The following HSF4 variants were observed in gnomAD, a reference collection of about 807,000 sequenced individuals.
HSF4 encodes the protein heat shock transcription factor 4, also known as heat shock factor protein 4.
Under a neutral mutation model 52.0 loss-of-function variants are expected in HSF4, and 41 were observed. The observed-to-expected ratio is 0.79, with a 90% CI of 0.61 to 1.02. The LOEUF (loss-of-function observed/expected upper bound fraction) is 1.02, where lower values mean the gene tolerates loss of function less well. Among genes scored for constraint, HSF4 ranks in the 50% least tolerant of loss-of-function variants. HSF4 has a pLI of 0.00. For missense variants in HSF4, 610 were observed against 651.1 expected (o/e 0.94, Z 0.69); for synonymous variants, 285 against 273.0 (o/e 1.04, Z -0.43).
rs1256992627 is a variant in HSF4, at chr16:67,166,635, G to A, written c.626+13G>A. The A allele has an allele frequency of 3.1e-6, 5 of 1,612,906 alleles. No individual in the cohort carries two copies. The highest frequency in any genetic ancestry group is 4.2e-6 in the Non-Finnish European group (5 of 1,179,354). Reference sequence around the variant, plus strand: ...GCAAGAGAAAGCTGTGAGTGAGAAAGCCAAGAAGGCCCACACCCACTTCCA... The same window carrying A: ...GCAAGAGAAAGCTGTGAGTGAGAAAACCAAGAAGGCCCACACCCACTTCCA... On this transcript the variant is annotated intron_variant, in intron 6 of 12. Coordinates refer to ENST00000521374, the MANE Select transcript of HSF4 (RefSeq NM_001374675.1).
In HSF4 at chr16:67,167,594, C is replaced by A. The variant is rs373405361; in HGVS notation, c.849C>A (p.Gly283=). The A allele has an allele frequency of 3.1e-6, 5 of 1,613,334 alleles. No homozygotes were observed. The African/African-American group carries it at 5.3e-5, about 17-fold the overall frequency. Residue 283 remains glycine, a synonymous_variant, in exon 8 of 13, where the codon GGC becomes GGA. Transcript: ENST00000521374. ...CCAGGCTTTCTCCCTCCAGTGATGG[C>A]AGGAGGTAAGGGGGACAGGGCTGCC... The part of the protein sequence containing the change: ...EGTRLSPSSD[G]RREKGLALLK...
At position 67,164,883 on chromosome 16, in the gene HSF4, A is replaced by G. The variant is rs771931942; in HGVS notation, c.72A>G (p.Leu24=). 4.0e-5 allele frequency: 64 copies of G among 1,608,004 alleles called. No homozygotes were observed. The highest frequency in any genetic ancestry group is 5.3e-5 in the Non-Finnish European group (63 of 1,179,088). The change falls in exon 1 of 13, where the codon CTA becomes CTG. Residue 24 remains leucine, a synonymous_variant. Transcript: ENST00000521374. Reference sequence around the variant, plus strand: ...CCGTGCCTGCCTTCCTCGGCAAGCTATGGGCGCTGGTGGGGGACCCAGGCA... The same window carrying G: ...CCGTGCCTGCCTTCCTCGGCAAGCTGTGGGCGCTGGTGGGGGACCCAGGCA... The part of the protein sequence containing the change: ...PSPVPAFLGK[L]WALVGDPGTD...
At chr16:67,163,872 A>AG, upstream of HSF4, 1 of 1,338,742 alleles carries the variant, frequency 7.5e-7, no homozygotes, top group African/African-American at 3.5e-5. Flanking sequence ...CTGAGAGGGA[A>AG]CGGGGGGGGT....
Position 67,167,879 on chromosome 16 carries a change from C to A in HSF4, c.1014C>A (p.Ser338Arg). ...AGGCCATCCTGGAAGGGAAAGGGAG[C>A]TTCAGCCCCGAGGGGCCCAGGAATG... ...VVQAILEGKG[S>R]FSPEGPRNAQ... Residue 338 changes from serine to arginine, a missense_variant, in exon 9 of 13, where the codon AGC becomes AGA. Transcript: ENST00000521374. 1 of 1,606,456 alleles carries A rather than the reference C, an allele frequency of 6.2e-7. No homozygotes were observed. The highest frequency in any genetic ancestry group is 8.5e-7 in the Non-Finnish European group (1 of 1,177,692).
upstream of HSF4, chr16:67,163,875 G>GT (rs1555549589): frequency 2.6e-5 from 39 of 1,526,814 alleles, no homozygotes; most frequent in Middle Eastern, 2.3e-4. Context: ...AGAGGGAACG[G>GT]GGGGGGTGTC....
chr16:67,167,157 C>T lies in HSF4; in HGVS notation c.664C>T (p.Pro222Ser). ...MLDEGSSCPTPAKFNTCPLPG... is the reference protein window; with the variant it reads ...MLDEGSSCPTSAKFNTCPLPG... Reference sequence around the variant, plus strand: ...GGATGAGGGGAGCTCATGCCCAACACCTGCCAAGTTCAACACCTGCCCTCT... The same window carrying T: ...GGATGAGGGGAGCTCATGCCCAACATCTGCCAAGTTCAACACCTGCCCTCT... Residue 222 changes from proline to serine, a missense_variant, in exon 7 of 13, where the codon CCT becomes TCT. Physicochemically the swap from Pro to Ser is moderately conservative, Grantham distance 74. Coordinates refer to ENST00000521374, the MANE Select transcript of HSF4 (RefSeq NM_001374675.1). 2.5e-6 allele frequency: 4 copies of T among 1,614,186 alleles called. No homozygotes were observed. The highest frequency in any genetic ancestry group is 3.4e-6 in the Non-Finnish European group (4 of 1,180,020).
Position 67,165,978 on chromosome 16 carries a change from G to T in HSF4, c.393G>T (p.Trp131Cys), listed in dbSNP as rs759263877. 4.5e-6 allele frequency: 7 copies of T among 1,554,400 alleles called. No homozygotes were observed. In the Admixed American group the frequency reaches 7.6e-5, roughly 17 times the overall value. ...CGCTGCGCGGCGACGACGGCCGCTG[G>T]CGCCCGGAGGACCTGGGTCGACTAC... The part of the protein sequence containing the change: ...VPALRGDDGR[W>C]RPEDLGRLLG... The change falls in exon 4 of 13, where the codon TGG becomes TGT. Residue 131 changes from tryptophan to cysteine, a missense_variant. By Grantham distance (215) the Trp-to-Cys change is radical. Transcript: ENST00000521374. This position sits in a 1 kb window ranked among gnomAD's most constrained non-coding sequence, Gnocchi z 6.9.
At chr16:67,168,808 C>A in intron 9 of HSF4, 23 bp from the exon 10 acceptor site, 1 of 1,590,296 alleles carries the variant, frequency 6.3e-7, no homozygotes, top group Non-Finnish European at 8.6e-7. Flanking sequence ...CACTGCAGGC[C>A]AAAAGCAGTT....
At chr16:67,166,665 C>T (rs746930815) in intron 6 of HSF4, 43 bp downstream of exon 6, 2 of 1,567,786 alleles carry the variant, frequency 1.3e-6, no homozygotes, top group Non-Finnish European at 1.8e-6. Context: ...CTTCCAAGAC[C>T]CCCCAGAAGT....
Position 67,169,015 on chromosome 16 carries a change from C to G in HSF4, c.1189-21C>G. ...TCTGTGGAGCCTGGGGAGGGCACCA[C>G]TGACCCAGAGCTCTCCTCAGGTGCT... On this transcript the variant is annotated intron_variant, in intron 10 of 12. Transcript: ENST00000521374. The surrounding 1 kb of genome is among the most constrained non-coding windows in gnomAD (Gnocchi z 4.3). The G allele has an allele frequency of 6.2e-7, 1 of 1,613,966 alleles. No individual in the cohort carries two copies. The highest frequency in any genetic ancestry group is 8.5e-7 in the Non-Finnish European group (1 of 1,179,946).
intron 7 of HSF4, 104 bp from the exon 8 acceptor site, chr16:67,167,371 C>G (rs1390803855): frequency 1.2e-6 from 2 of 1,611,138 alleles, no homozygotes; most frequent in Non-Finnish European, 1.7e-6. Context: ...TGAGCCTCCT[C>G]CCTCAAACCT....
In HSF4 at chr16:67,165,685, G is replaced by A; in HGVS notation, c.233-34G>A. 6.2e-7 allele frequency: 1 copy of A among 1,612,100 alleles called. No individual in the cohort carries two copies. Among genetic ancestry groups the A allele is most frequent in the Non-Finnish European group, 8.5e-7 (1 of 1,179,794 alleles). ...GGATGGGGGACTCGGTGCCGGGGATGGGGCGACCCACGCCCCCACGCCCCA... is the reference window on the plus strand; with the variant it reads ...GGATGGGGGACTCGGTGCCGGGGATAGGGCGACCCACGCCCCCACGCCCCA... On this transcript the variant is annotated intron_variant, in intron 2 of 12. Transcript: ENST00000521374. This position sits in a 1 kb window ranked among gnomAD's most constrained non-coding sequence, Gnocchi z 6.9.
At position 67,165,630 on chromosome 16, in the gene HSF4, T is replaced by G; in HGVS notation, c.232T>G (p.Tyr78Asp). The G allele has an allele frequency of 6.2e-7, 1 of 1,612,560 alleles. No homozygotes were observed. The highest frequency in any genetic ancestry group is 8.5e-7 in the Non-Finnish European group (1 of 1,179,656). The change falls in exon 2 of 13, where the codon TAC (tyrosine) becomes GAC (aspartate). Residue 78 changes from tyrosine (Y) to aspartate (D), a missense_variant and splice_region_variant. Tyr to Asp is a radical substitution (Grantham distance 160). Transcript: ENST00000521374. This position sits in a 1 kb window ranked among gnomAD's most constrained non-coding sequence, Gnocchi z 6.9. ...GAGCTTCGTGCGCCAACTCAACATG[T>G]GTGAGTCCCTACGGCCGGGCGGGGA... ...MASFVRQLNM[Y>D]GFRKVVSIEQ...
Position 67,166,409 on chromosome 16 carries a change from CA to C in HSF4, c.561+16del, listed in dbSNP as rs757189381. ...GTCATTGGCAAGGTGTTCCTCTCCC[CA>C]AGCCTCGCTTCTCCCTCCCACTCCT... On this transcript the variant is annotated intron_variant, in intron 5 of 12. Transcript: ENST00000521374. 15 of 1,605,706 alleles carry C rather than the reference CA, an allele frequency of 9.3e-6. No individual in the cohort carries two copies. Among genetic ancestry groups the C allele is most frequent in the Middle Eastern group, 3.3e-4 (2 of 6,052 alleles).
At position 67,166,621 on chromosome 16, in the gene HSF4, CTG is replaced by C. The variant is rs1567669233; in HGVS notation, c.626+2_626+3del. 2 of 1,613,732 alleles carry C rather than the reference CTG, an allele frequency of 1.2e-6. No individual in the cohort carries two copies. The highest frequency in any genetic ancestry group is 2.7e-5 in the African/African-American group (2 of 74,988). Reference sequence around the variant, plus strand: ...GAGCAATGCAGGAGGCAAGAGAAAGCTGTGAGTGAGAAAGCCAAGAAGGCCCA... The same window carrying C: ...GAGCAATGCAGGAGGCAAGAGAAAGCTGAGTGAGAAAGCCAAGAAGGCCCA... On this transcript the variant is annotated splice_donor_variant and coding_sequence_variant, in exon 6 of 13. Transcript: ENST00000521374. LOFTEE classifies it high-confidence loss of function.
chr16:67,165,565 A>C lies in HSF4; in HGVS notation c.167A>C (p.Lys56Thr), dbSNP rs2031202534. The change falls in exon 2 of 13, where the codon AAG becomes ACG. Residue 56 changes from lysine to threonine, a missense_variant. Lys to Thr is a moderately conservative substitution (Grantham distance 78). Coordinates refer to ENST00000521374, the MANE Select transcript of HSF4 (RefSeq NM_001374675.1). The surrounding 1 kb of genome is among the most constrained non-coding windows in gnomAD (Gnocchi z 6.9). ...GTAAGCGACCAGAGCCGTTTCGCCA[A>C]GGAAGTGCTGCCCCAGTATTTCAAG... ...FLVSDQSRFA[K>T]EVLPQYFKHS... 6.2e-6 allele frequency: 10 copies of C among 1,613,168 alleles called. No individual in the cohort carries two copies. Among genetic ancestry groups the C allele is most frequent in the Non-Finnish European group, 7.6e-6 (9 of 1,179,908 alleles).
chr16:67,167,905 C>T lies in HSF4; in HGVS notation c.1040C>T (p.Ala347Val). 2.5e-6 allele frequency: 4 copies of T among 1,603,888 alleles called. No individual in the cohort carries two copies. The highest frequency in any genetic ancestry group is 3.4e-6 in the Non-Finnish European group (4 of 1,177,770). ...GSFSPEGPRN[A>V]QQPEPGDPRE... ...TTCAGCCCCGAGGGGCCCAGGAATG[C>T]CCAACAGCCTGAACCAGGGGATCCC... The change falls in exon 9 of 13, where the codon GCC (alanine) becomes GTC (valine). Residue 347 changes from alanine to valine, a missense_variant. Transcript: ENST00000521374.
rs1239336779 is a variant in HSF4 at position 67,169,890 on chromosome 16, G to C, written c.*105G>C. ...GTGAGCGAAGCCCCCACTACTAAAT[G>C]GCCTCTCTCCACTACCCCGACTATC... On this transcript the variant is annotated 3_prime_UTR_variant, in exon 13 of 13. Transcript: ENST00000521374. The surrounding 1 kb of genome is among the most constrained non-coding windows in gnomAD (Gnocchi z 4.3). The C allele has an allele frequency of 8.2e-7, 1 of 1,217,352 alleles. No homozygotes were observed. Among genetic ancestry groups the C allele is most frequent in the Non-Finnish European group, 1.2e-6 (1 of 827,416 alleles). The allele number at this position is 1,217,352 out of a possible 1,614,324, so 75.4% of individuals were successfully genotyped here.
rs1465792335 is a variant in HSF4, at chr16:67,165,785, A to G, written c.299A>G (p.Glu100Gly). The change falls in exon 3 of 13, where the codon GAG (glutamate) becomes GGG (glycine). Residue 100 changes from glutamate to glycine, a missense_variant. Physicochemically the swap from Glu to Gly is moderately conservative, Grantham distance 98. Coordinates refer to ENST00000521374, the MANE Select transcript of HSF4 (RefSeq NM_001374675.1). This position sits in a 1 kb window ranked among gnomAD's most constrained non-coding sequence, Gnocchi z 6.9. ...GLLRPERDHV[E>G]FQHPSFVRGR... is the part of the protein sequence containing the mutation. The stretch of plus-strand genomic sequence containing the variant: ...CTTAGGCCGGAGCGCGACCACGTCG[A>G]GTTCCAGCACCCGAGCTTCGTGCGC... The G allele has an allele frequency of 6.2e-7, 1 of 1,610,044 alleles. No homozygotes were observed. The highest frequency in any genetic ancestry group is 1.1e-5 in the South Asian group (1 of 91,044).
Sources: allele counts gnomAD v4.1 joint callset, GRCh38; gene constraint gnomAD v4.1.1; non-coding constraint Gnocchi (gnomAD v3.1); transcripts MANE v1.5; gene names NCBI Gene and HGNC (gene_info 2026-07-23, HGNC 2026-07-21).